The following LGMN variants were observed in gnomAD, a reference collection of about 807,000 sequenced individuals.
LGMN encodes legumain.
LGMN carries 36 observed loss-of-function variants against 56.8 expected under a neutral mutation model. That is an observed-to-expected ratio of 0.63 (90% CI 0.49 to 0.84). The LOEUF is 0.84. Among genes scored for constraint, LGMN ranks in the 40% least tolerant of loss-of-function variants. The pLI, the probability that LGMN is intolerant of heterozygous loss-of-function variation, is 0.00. For missense variants in LGMN, 446 were observed against 556.1 expected, an observed-to-expected ratio of 0.80 and a Z score of 1.99; for synonymous variants, 199 against 210.1, an observed-to-expected ratio of 0.95 and a Z score of 0.46.
intron 2 of LGMN, among the ~76,000 whole-genome samples, chr14:92,730,097 T>C (rs1280349251): frequency 6.6e-6 from 1 of 152,236 alleles, no homozygotes; most frequent in Non-Finnish European, 1.5e-5. Context: ...CGGTGGTTGA[T>C]GAGTAATCGT....
chr14:92,729,369 A>C (rs1890913767), intron 2 of LGMN, among the ~76,000 whole-genome samples: 1 of 137,434 alleles, frequency 7.3e-6, no homozygotes. Context: ...ATCACCCCAG[A>C]CTCTACTCTG....
At chr14:92,744,842 G>T (rs1211551471) in intron 1 of LGMN, among the ~76,000 whole-genome samples, 2 of 152,038 alleles carry the variant, frequency 1.3e-5, no homozygotes, top group African/African-American at 4.8e-5. Context: ...GATCCGCCCG[G>T]CTCAGCCTCC....
intron 2 of LGMN, among the ~76,000 whole-genome samples, chr14:92,731,359 G>A (rs1297235937): frequency 6.6e-6 from 1 of 152,182 alleles, no homozygotes; most frequent in Non-Finnish European, 1.5e-5. Context: ...CGATTCAGTG[G>A]TTTCTAGTAT....
At chr14:92,734,634 C>T (rs1891214358) in intron 1 of LGMN, among the ~76,000 whole-genome samples, 1 of 149,426 alleles carries the variant, frequency 6.7e-6, no homozygotes, top group Non-Finnish European at 1.5e-5. Context: ...AGCAAGACTC[C>T]GTCTCAAAAA....
chr14:92,738,303 G>C (rs576766548), intron 1 of LGMN, among the ~76,000 whole-genome samples: 1 of 149,392 alleles, frequency 6.7e-6, no homozygotes, highest in Admixed American at 6.7e-5. Context: ...TTTTGAGACA[G>C]AGTCTTGCTC....
At chr14:92,744,103 G>A (rs926228720) in intron 1 of LGMN, among the ~76,000 whole-genome samples, 7 of 151,664 alleles carry the variant, frequency 4.6e-5, no homozygotes, top group South Asian at 4.2e-4. Context: ...GCAGTGAGCC[G>A]AGATCGCGCC....
chr14:92,719,164 A>G (rs867521389), intron 2 of LGMN, among the ~76,000 whole-genome samples: 3,737 of 78,094 alleles, frequency 0.048, 81 homozygotes, highest in Middle Eastern at 0.093. Context: ...CACTGCCACC[A>G]CCACCACCAC....
chr14:92,730,269 T>C (rs780514283), intron 2 of LGMN, among the ~76,000 whole-genome samples: 1 of 152,190 alleles, frequency 6.6e-6, no homozygotes, highest in Non-Finnish European at 1.5e-5. Context: ...CATTTTGCCA[T>C]GATAACAACT....
chr14:92,737,538 A>G (rs1316903778), intron 1 of LGMN, among the ~76,000 whole-genome samples: 1 of 152,206 alleles, frequency 6.6e-6, no homozygotes, highest in Non-Finnish European at 1.5e-5. Flanking sequence ...AGCACAGTAG[A>G]TAAGACACCA....
intron 1 of LGMN, among the ~76,000 whole-genome samples, chr14:92,736,404 T>C (rs1891308144): frequency 6.6e-6 from 1 of 152,160 alleles, no homozygotes; most frequent in African/African-American, 2.4e-5. Flanking sequence ...AAGACCGGCC[T>C]GGGCAACAAG....
chr14:92,729,889 C>T (rs887283527), intron 2 of LGMN, among the ~76,000 whole-genome samples: 2 of 152,264 alleles, frequency 1.3e-5, no homozygotes, highest in East Asian at 1.9e-4. Flanking sequence ...CTCTCTTACT[C>T]GGGGACGAAT....
chr14:92,742,545 C>T (rs1891608980), intron 1 of LGMN, among the ~76,000 whole-genome samples: 1 of 152,072 alleles, frequency 6.6e-6, no homozygotes, highest in Non-Finnish European at 1.5e-5. Flanking sequence ...CCTTAGCCTC[C>T]CAAAGTGCTG....
chr14:92,709,789 G>C lies in LGMN; in HGVS notation c.903C>G (p.His301Gln), dbSNP rs756934515. The C allele has an allele frequency of 6.2e-7, 1 of 1,614,042 alleles. No individual in the cohort carries two copies. Among genetic ancestry groups the C allele is most frequent in the South Asian group, 1.1e-5 (1 of 91,078 alleles). ...SSPVPLPPVT[H>Q]LDLTPSPDVP... Reference sequence around the variant, plus strand: ...CATCAGGGCTGGGGGTGAGGTCAAGGTGTGTGACTGGAGGTAGGGGGACGG... The same window carrying C: ...CATCAGGGCTGGGGGTGAGGTCAAGCTGTGTGACTGGAGGTAGGGGGACGG... The change falls in exon 11 of 14, where the codon CAC (histidine) becomes CAG (glutamine). Residue 301 changes from histidine to glutamine, a missense_variant. Coordinates refer to ENST00000334869, the MANE Select transcript of LGMN (RefSeq NM_005606.7).
rs779637627 is a variant in LGMN, at chr14:92,732,668, C to T, written c.119G>A (p.Trp40Ter). The change falls in exon 2 of 14, where the codon TGG becomes TAG. Residue 40 changes from tryptophan to a stop codon, truncating the protein, a stop_gained. Coordinates refer to ENST00000334869, the MANE Select transcript of LGMN (RefSeq NM_005606.7). LOFTEE classifies it high-confidence loss of function. The part of the protein sequence containing the change: ...WVVIVAGSNG[W>*]YNYRHQADAC... ...TCTTACCTGGTGCCTATAATTATAC[C>T]AGCCATTTGAACCTGCCACGATCAC... 1.2e-6 allele frequency: 2 copies of T among 1,613,940 alleles called. No homozygotes were observed. The highest frequency in any genetic ancestry group is 1.7e-6 in the Non-Finnish European group (2 of 1,179,994).
intron 11 of LGMN, 87 bp downstream of exon 11, chr14:92,709,585 A>G: frequency 3.8e-6 from 4 of 1,042,328 alleles, no homozygotes; most frequent in Non-Finnish European, 5.9e-6. Context: ...TGTGGCAGGG[A>G]GCATAGGAGG....
intron 11 of LGMN, among the ~76,000 whole-genome samples, chr14:92,708,999 G>A (rs1872642453): frequency 6.6e-6 from 1 of 152,128 alleles, no homozygotes; most frequent in Non-Finnish European, 1.5e-5. Flanking sequence ...CCTCTGCCCA[G>A]CATTCCGGTG....
chr14:92,711,448 A>G lies in LGMN; in HGVS notation c.819+211T>C, dbSNP rs551478220. Among the ~76,000 whole-genome samples, 3 of 152,326 alleles carry G rather than the reference A, an allele frequency of 2.0e-5. No individual in the cohort carries two copies. The South Asian group carries it at 6.2e-4, about 32-fold the overall frequency. ...TCACAGAAGTGAAATCACTTGCCCAAAGTCTCACAACTCTGCAAGTTTGAA... is the reference window on the plus strand; with the variant it reads ...TCACAGAAGTGAAATCACTTGCCCAGAGTCTCACAACTCTGCAAGTTTGAA... On this transcript the variant is annotated intron_variant, in intron 10 of 13. Transcript: ENST00000334869.
At chr14:92,718,701 T>C in intron 3 of LGMN, 46 bp downstream of exon 3, 2 of 1,286,142 alleles carry the variant, frequency 1.6e-6, no homozygotes, top group South Asian at 1.2e-5. Flanking sequence ...TTTTTTTAAA[T>C]ACCCTGAAGT....
At chr14:92,724,447 C>T (rs914024195) in intron 2 of LGMN, among the ~76,000 whole-genome samples, 1 of 152,140 alleles carries the variant, frequency 6.6e-6, no homozygotes, top group African/African-American at 2.4e-5. Context: ...CGGGGTTCTT[C>T]CATTAAGTCA....
Sources: allele counts gnomAD v4.1 joint callset (sites outside exome capture counted in the v4.1 genomes callset), GRCh38; gene constraint gnomAD v4.1.1; transcripts MANE v1.5; gene names NCBI Gene and HGNC (gene_info 2026-07-23, HGNC 2026-07-21).